Variants in LDB2 observed in about 807,000 individuals in gnomAD.
The protein encoded by LDB2 is LIM domain-binding protein 2.
Under a neutral mutation model 44.3 loss-of-function variants are expected in LDB2, and 12 were observed. That is an observed-to-expected ratio of 0.27 (90% CI 0.17 to 0.44). The LOEUF (loss-of-function observed/expected upper bound fraction) is 0.44, where lower values mean the gene tolerates loss of function less well. Among genes scored for constraint, LDB2 ranks in the 20% least tolerant of loss-of-function variants. LDB2 has a pLI of 1.00. For synonymous variants in LDB2, 164 were observed against 174.8 expected (o/e 0.94, Z 0.49); for missense variants, 344 against 473.5 (o/e 0.73, Z 2.54).
chr4:16,795,363 G>A (rs1208094277), intron 1 of LDB2, among the ~76,000 whole-genome samples: 1 of 152,158 alleles, frequency 6.6e-6, no homozygotes, highest in Admixed American at 6.5e-5. Context: ...CACAATCTAA[G>A]GATGCGCTCA....
At chr4:16,592,465 CATATATATATATATATATATATATAT>C (rs71589671) in intron 3 of LDB2, among the ~76,000 whole-genome samples, 4 of 116,606 alleles carry the variant, frequency 3.4e-5, no homozygotes, top group African/African-American at 1.4e-4. Flanking sequence ...ATTATACATA[CATATATATATATATATATATATATAT>C]ATATATATAT....
chr4:16,633,180 C>A (rs554466018), intron 2 of LDB2, among the ~76,000 whole-genome samples: 2 of 152,234 alleles, frequency 1.3e-5, no homozygotes, highest in African/African-American at 4.8e-5. Context: ...AGCAAACTAT[C>A]ACAAGGACAG....
At chr4:16,765,810 G>T (rs146391917) in intron 1 of LDB2, among the ~76,000 whole-genome samples, 43 of 152,296 alleles carry the variant, frequency 2.8e-4, no homozygotes, top group Middle Eastern at 3.4e-3. Flanking sequence ...GAATGCCCCA[G>T]GCATGCATGT....
In LDB2 at chr4:16,590,439, A is replaced by G. The variant is rs192867084; in HGVS notation, c.409-1607T>C. On this transcript the variant is annotated intron_variant, in intron 3 of 7. Coordinates refer to ENST00000304523, the MANE Select transcript of LDB2 (RefSeq NM_001290.5). ...GAACAATTTATATCAGCCTTTTACG[A>G]AATATTAATAATCACTTTCCTCTTT... Among the ~76,000 whole-genome samples the G allele has an allele frequency of 1.1e-3, 175 of 152,348 alleles. 2 individuals carry two copies. Among genetic ancestry groups the G allele is most frequent in the Admixed American group, 0.011 (175 of 15,300 alleles).
At chr4:16,802,195 A>G (rs1331099789) in intron 1 of LDB2, among the ~76,000 whole-genome samples, 1 of 152,164 alleles carries the variant, frequency 6.6e-6, no homozygotes, top group African/African-American at 2.4e-5. Context: ...GTGAAAGTGA[A>G]CTGAGACAAA....
intron 5 of LDB2, among the ~76,000 whole-genome samples, chr4:16,523,205 C>T (rs781659550): frequency 6.6e-6 from 1 of 152,080 alleles, no homozygotes; most frequent in Admixed American, 6.5e-5. Flanking sequence ...CCATAGTTTC[C>T]ACAGGCTGGA....
chr4:16,569,701 C>T (rs1745730438), intron 5 of LDB2, among the ~76,000 whole-genome samples: 2 of 152,076 alleles, frequency 1.3e-5, no homozygotes, highest in African/African-American at 4.8e-5. Context: ...CATCCAGCTG[C>T]TTGGCGTCAG....
chr4:16,685,092 C>A (rs1578763826), intron 2 of LDB2, among the ~76,000 whole-genome samples: 1 of 152,136 alleles, frequency 6.6e-6, no homozygotes, highest in South Asian at 2.1e-4. Context: ...CCTCAGTTTT[C>A]CTCTTCTATT....
At chr4:16,672,614 C>T (rs1312278315) in intron 2 of LDB2, among the ~76,000 whole-genome samples, 1 of 152,190 alleles carries the variant, frequency 6.6e-6, no homozygotes, top group Non-Finnish European at 1.5e-5. Context: ...AGCTACAGCA[C>T]AAAGGCAGAT....
At chr4:16,555,135 T>G (rs1337237536) in intron 5 of LDB2, among the ~76,000 whole-genome samples, 1 of 143,316 alleles carries the variant, frequency 7.0e-6, no homozygotes, top group African/African-American at 2.5e-5. Context: ...GCAAGGCAAC[T>G]AGAAAAAAAA....
intron 1 of LDB2, among the ~76,000 whole-genome samples, chr4:16,866,416 A>C (rs1714723648): frequency 6.6e-6 from 1 of 152,376 alleles, no homozygotes; most frequent in East Asian, 1.9e-4. Flanking sequence ...AAATAAATAC[A>C]TAATTTATAA....
At chr4:16,712,336 G>A (rs544172399) in intron 2 of LDB2, among the ~76,000 whole-genome samples, 1 of 152,116 alleles carries the variant, frequency 6.6e-6, no homozygotes, top group South Asian at 2.1e-4. Context: ...GGTGGATCAC[G>A]AGGTCAGGAG....
At chr4:16,573,410 A>ATCCCAGTCAATGAGATGAGTCATGCAC (rs1747286075) in intron 5 of LDB2, among the ~76,000 whole-genome samples, 1 of 152,148 alleles carries the variant, frequency 6.6e-6, no homozygotes, top group Non-Finnish European at 1.5e-5. Context: ...ATTGGTCTAT[A>ATCCCAGTCAATGAGATGAGTCATGCAC]TCCCAGTCAA....
chr4:16,739,573 GAAAAA>G (rs577466407), intron 2 of LDB2, among the ~76,000 whole-genome samples: 1,377 of 36,364 alleles, frequency 0.038, 83 homozygotes, highest in East Asian at 0.2. Flanking sequence ...GTGACAGAGG[GAAAAA>G]AAAAAAAAAA....
At chr4:16,733,098 G>A (rs760490531) in intron 2 of LDB2, among the ~76,000 whole-genome samples, 31 of 152,256 alleles carry the variant, frequency 2.0e-4, no homozygotes, top group Non-Finnish European at 1.6e-4. Flanking sequence ...AACAAGCTCC[G>A]CACTCAGGCG....
In LDB2 at chr4:16,665,834, C is replaced by A. The variant is rs565864973; in HGVS notation, c.236-69959G>T. ...TCCCGGACTGGGGCAGGCCCTAAAT[C>A]TAATGACAAGTCCTTATAGGTGAAG... On this transcript the variant is annotated intron_variant, in intron 2 of 7. Coordinates refer to ENST00000304523, the MANE Select transcript of LDB2 (RefSeq NM_001290.5). Among the ~76,000 whole-genome samples, 59 of 152,206 alleles carry A rather than the reference C, an allele frequency of 3.9e-4. No homozygotes were observed. The South Asian group carries it at 0.012, about 31-fold the overall frequency.
chr4:16,814,351 G>C (rs749280993), intron 1 of LDB2, among the ~76,000 whole-genome samples: 1 of 152,162 alleles, frequency 6.6e-6, no homozygotes, highest in Non-Finnish European at 1.5e-5. Context: ...CAGACAGTTG[G>C]ATTCTCTCTC....
chr4:16,729,259 C>T (rs900401943), intron 2 of LDB2, among the ~76,000 whole-genome samples: 6 of 152,164 alleles, frequency 3.9e-5, no homozygotes, highest in African/African-American at 9.7e-5. Context: ...CTGTGAATGA[C>T]GCTTGTCATT....
intron 2 of LDB2, among the ~76,000 whole-genome samples, chr4:16,679,871 T>C (rs1041366538): frequency 2.6e-5 from 4 of 152,252 alleles, no homozygotes; most frequent in Admixed American, 1.3e-4. Context: ...CAGCCACTTA[T>C]GTCTCTGCAT....
Sources: gnomAD v4.1 joint callset for allele counts (sites outside exome capture counted in the v4.1 genomes callset) on GRCh38, gnomAD v4.1.1 for gene constraint, MANE v1.5 for transcripts, NCBI Gene and HGNC (gene_info 2026-07-23, HGNC 2026-07-21) for gene names.